The following SNX8 variants were observed in gnomAD, a reference collection of about 807,000 sequenced individuals.
SNX8 encodes sorting nexin 8, also known as sorting nexin-8.
A neutral mutation model predicts 51.6 loss-of-function variants in SNX8; 25 were observed. The observed-to-expected ratio is 0.48, with a 90% CI of 0.35 to 0.68. The LOEUF (loss-of-function observed/expected upper bound fraction) is 0.68, where lower values mean the gene tolerates loss of function less well. Ranked by LOEUF, SNX8 falls within the 30% of genes least tolerant of loss-of-function variation. The probability of loss-of-function intolerance (pLI) is 0.00; values close to 1 mark genes in which losing one functional copy is unlikely to be tolerated. For missense variants in SNX8, 695 were observed against 624.0 expected (o/e 1.11, Z -1.21); for synonymous variants, 324 against 277.0 (o/e 1.17, Z -1.68).
At position 2,309,567 on chromosome 7, in the gene SNX8, A is replaced by G. The variant is rs572307801; in HGVS notation, c.94+4761T>C. Reference sequence around the variant, plus strand: ...ACCAACATGGAGAAACCCCGTCTCTACTGAAAATACAAAATTAGCCAGGTG... The same window carrying G: ...ACCAACATGGAGAAACCCCGTCTCTGCTGAAAATACAAAATTAGCCAGGTG... On this transcript the variant is annotated intron_variant, in intron 1 of 10. Transcript: ENST00000222990. Among the ~76,000 whole-genome samples, 4 of 152,070 alleles carry G rather than the reference A, an allele frequency of 2.6e-5. No homozygotes were observed. The South Asian group carries it at 8.3e-4, about 32-fold the overall frequency.
intron 1 of SNX8, among the ~76,000 whole-genome samples, chr7:2,319,835 C>T (rs1251337810): frequency 2.7e-5 from 4 of 148,714 alleles, no homozygotes; most frequent in Non-Finnish European, 5.9e-5. Context: ...AAAAAATTAG[C>T]TGGGTGTGGT....
intron 1 of SNX8, among the ~76,000 whole-genome samples, chr7:2,302,586 T>C (rs866166504): frequency 0.02 from 2,875 of 146,674 alleles, 106 homozygotes; most frequent in African/African-American, 0.07. Context: ...TGAGGAGCCC[T>C]TCTGCCTGGC....
intron 1 of SNX8, among the ~76,000 whole-genome samples, chr7:2,320,795 C>T (rs564823028): frequency 0.015 from 2,252 of 151,234 alleles, 51 homozygotes; most frequent in African/African-American, 0.052. Flanking sequence ...CCGAGGCGGG[C>T]GGATCACCTG....
chr7:2,289,646 T>A (rs1796108007), intron 1 of SNX8, among the ~76,000 whole-genome samples: 1 of 152,172 alleles, frequency 6.6e-6, no homozygotes. Context: ...GCGGTGAGGA[T>A]ACATTCACTA....
intron 1 of SNX8, among the ~76,000 whole-genome samples, chr7:2,323,769 C>G (rs1778579879): frequency 6.6e-6 from 1 of 152,198 alleles, no homozygotes; most frequent in Non-Finnish European, 1.5e-5. Flanking sequence ...ACCACGCTAA[C>G]ACGTATTGAA....
chr7:2,347,256 C>T (rs1035632579), intron 1 of SNX8, among the ~76,000 whole-genome samples: 1 of 152,056 alleles, frequency 6.6e-6, no homozygotes, highest in East Asian at 1.9e-4. Flanking sequence ...CCGAGGCTGA[C>T]GGATCACCTG....
At position 2,252,901 on chromosome 7, in the gene SNX8, C is replaced by CCCTGCCCTCCTGTCCCAACG. The variant is rs1372979397; in HGVS notation, c.*2135_*2154dup. 7.2e-6 allele frequency: 1 copy of CCCTGCCCTCCTGTCCCAACG among 138,822 alleles called. No homozygotes were observed. The highest frequency in any genetic ancestry group is 2.9e-5 in the African/African-American group (1 of 34,370). 8.6% of individuals were successfully genotyped at this position (138,822 alleles called of 1,614,324 possible). A position where few individuals can be genotyped will look rare whatever the true frequency, so the allele number is the denominator to read the frequency against. The stretch of plus-strand genomic sequence containing the variant: ...CACCCCTGCCCCCTTGCTCTCTCAC[C>CCCTGCCCTCCTGTCCCAACG]CCTGCCCTCCTGTCCCAACGCCTGC... On this transcript the variant is annotated 3_prime_UTR_variant, in exon 11 of 11. Coordinates refer to ENST00000222990, the MANE Select transcript of SNX8 (RefSeq NM_013321.4).
chr7:2,322,049 T>C (rs1583111423), intron 1 of SNX8, among the ~76,000 whole-genome samples: 4 of 152,306 alleles, frequency 2.6e-5, no homozygotes, highest in Non-Finnish European at 5.9e-5. Context: ...TAAAACATTT[T>C]GCTTAGTAGC....
chr7:2,314,598 A>C, upstream of SNX8: 8 of 501,092 alleles, frequency 1.6e-5, no homozygotes, highest in African/African-American at 2.1e-5. Context: ...CACGCCTACA[A>C]CCCGCCTAGC....
chr7:2,276,583 G>A (rs1368496866), intron 2 of SNX8, among the ~76,000 whole-genome samples: 1 of 151,106 alleles, frequency 6.6e-6, no homozygotes, highest in East Asian at 2.0e-4. Context: ...TGAGAGGACT[G>A]CTTGAGCCCA....
chr7:2,297,171 A>C (rs1345146184), intron 1 of SNX8, among the ~76,000 whole-genome samples: 2 of 151,986 alleles, frequency 1.3e-5, no homozygotes, highest in African/African-American at 2.4e-5. Context: ...AACAGTATGG[A>C]GATTTCTCAG....
chr7:2,320,777 T>C (rs1343476202), intron 1 of SNX8, among the ~76,000 whole-genome samples: 1 of 151,670 alleles, frequency 6.6e-6, no homozygotes, highest in Non-Finnish European at 1.5e-5. Flanking sequence ...TCCCAGCAAT[T>C]TGGGAGGCCG....
intron 1 of SNX8, among the ~76,000 whole-genome samples, chr7:2,286,502 G>A (rs569573995): frequency 1.1e-4 from 17 of 150,186 alleles, no homozygotes; most frequent in South Asian, 8.6e-4. Context: ...GCTGTAATGT[G>A]CCATACGGGC....
At chr7:2,319,796 CAG>C (rs1305480533) in intron 1 of SNX8, among the ~76,000 whole-genome samples, 1 of 145,090 alleles carries the variant, frequency 6.9e-6, no homozygotes, top group Non-Finnish European at 1.5e-5. Flanking sequence ...GCCTGGGCGA[CAG>C]AGCGAGACTC....
intron 1 of SNX8, among the ~76,000 whole-genome samples, chr7:2,326,969 A>T (rs547348702): frequency 2.0e-5 from 3 of 152,242 alleles, no homozygotes; most frequent in Non-Finnish European, 2.9e-5. Flanking sequence ...ATTATTTTTT[A>T]AAAAATATTA....
upstream of SNX8, among the ~76,000 whole-genome samples, chr7:2,315,473 C>G (rs188273064): frequency 4.9e-4 from 74 of 149,806 alleles, 1 homozygote; most frequent in African/African-American, 1.8e-3. Flanking sequence ...TTCATTCATC[C>G]ATTCACTCAC....
chr7:2,267,659 C>T (rs1795503860), intron 5 of SNX8, among the ~76,000 whole-genome samples: 2 of 149,334 alleles, frequency 1.3e-5, no homozygotes, highest in Admixed American at 1.3e-4. Flanking sequence ...TCTCGGCTCA[C>T]TACAACCTAC....
At chr7:2,304,031 G>A (rs538209925) in intron 1 of SNX8, among the ~76,000 whole-genome samples, 4 of 151,450 alleles carry the variant, frequency 2.6e-5, no homozygotes, top group East Asian at 1.9e-4. Context: ...GCCAGGCGTG[G>A]TGGCGGGCGC....
chr7:2,263,131 A>G, intron 7 of SNX8, 99 bp downstream of exon 7: 13 of 1,429,524 alleles, frequency 9.1e-6, no homozygotes. Flanking sequence ...ACAACAAAAC[A>G]AAAACGAACT....
Sources: allele counts gnomAD v4.1 joint callset (sites outside exome capture counted in the v4.1 genomes callset), GRCh38; gene constraint gnomAD v4.1.1; transcripts MANE v1.5; gene names NCBI Gene and HGNC (gene_info 2026-07-23, HGNC 2026-07-21).